The following CTNND2 variants were observed in gnomAD, a reference collection of about 807,000 sequenced individuals.
CTNND2 encodes the protein catenin delta-2.
In CTNND2, 22 loss-of-function variants were observed where a neutral mutation model predicts 144.4. The observed-to-expected ratio is 0.15, with a 90% CI of 0.11 to 0.22. CTNND2 has a LOEUF of 0.22. Among genes scored for constraint, CTNND2 ranks in the 10% least tolerant of loss-of-function variants. The probability of loss-of-function intolerance (pLI) is 1.00; values close to 1 mark genes in which losing one functional copy is unlikely to be tolerated. For missense variants in CTNND2, 1,353 were observed against 1,618.8 expected (o/e 0.84, Z 2.82); for synonymous variants, 751 against 695.6 (o/e 1.08, Z -1.25).
Position 11,117,472 on chromosome 5 carries a change from C to A in CTNND2, c.2255G>T (p.Gly752Val). 6.2e-7 allele frequency: 1 copy of A among 1,614,006 alleles called. No individual in the cohort carries two copies. The highest frequency in any genetic ancestry group is 8.5e-7 in the Non-Finnish European group (1 of 1,179,896). Residue 752 changes from glycine to valine, a missense_variant, in exon 13 of 22, where the codon GGG (glycine) becomes GTG (valine). Gly to Val is a moderately radical substitution (Grantham distance 109). Coordinates refer to ENST00000304623, the MANE Select transcript of CTNND2 (RefSeq NM_001332.4). ...AACCTTGCTATCGATCTCACTGCTCCCCAGCGCAGACTGGATCACGTACAG... is the reference window on the plus strand; with the variant it reads ...AACCTTGCTATCGATCTCACTGCTCACCAGCGCAGACTGGATCACGTACAG... ...ALLYVIQSAL[G>V]SSEIDSKTVE...
rs571326284 is a variant in CTNND2 at position 11,239,771 on chromosome 5, G to A, written c.1629-2948C>T. On this transcript the variant is annotated intron_variant, in intron 9 of 21. Transcript: ENST00000304623. ...GCCCAGTGGCCTCCCACTCAAATGC[G>A]GGGCCTCAGGCTCTTTACAACTTCC... is the stretch of plus-strand genomic sequence containing the variant. 3.9e-5 allele frequency among the ~76,000 whole-genome samples: 6 copies of A among 152,284 alleles called. No individual in the cohort carries two copies. In the East Asian group the frequency reaches 5.8e-4, roughly 15 times the overall value.
At position 11,026,209 on chromosome 5, in the gene CTNND2, G is replaced by C. The variant is rs143124590; in HGVS notation, c.2789-3230C>G. ...CACTGAGATTCTCTGTGGATGCAGA[G>C]CATAAGCTTCCTCCTGTGTTTGAGC... is the stretch of plus-strand genomic sequence containing the variant. On this transcript the variant is annotated intron_variant, in intron 16 of 21. Coordinates refer to ENST00000304623, the MANE Select transcript of CTNND2 (RefSeq NM_001332.4). 5.3e-4 allele frequency among the ~76,000 whole-genome samples: 80 copies of C among 152,210 alleles called. 2 individuals carry two copies. In the East Asian group the frequency reaches 9.7e-3, roughly 18 times the overall value.
chr5:11,290,095 A>T (rs150059379), intron 9 of CTNND2, among the ~76,000 whole-genome samples: 245 of 152,236 alleles, frequency 1.6e-3, no homozygotes, highest in African/African-American at 5.3e-3. Context: ...TAAACTAAGG[A>T]ATGTTTACTT....
intron 10 of CTNND2, among the ~76,000 whole-genome samples, chr5:11,213,198 T>G (rs894694253): frequency 1.3e-5 from 2 of 152,164 alleles, no homozygotes; most frequent in Admixed American, 1.3e-4. Context: ...GCAAGGTAAC[T>G]GGTGGAGCCA....
intron 9 of CTNND2, among the ~76,000 whole-genome samples, chr5:11,254,727 T>A (rs1744054459): frequency 6.6e-6 from 1 of 152,214 alleles, no homozygotes; most frequent in Non-Finnish European, 1.5e-5. Flanking sequence ...AATACTTTTC[T>A]GAGCTAGGAG....
At chr5:11,100,627 T>C (rs190315064) in intron 14 of CTNND2, among the ~76,000 whole-genome samples, 144 of 152,320 alleles carry the variant, frequency 9.5e-4, no homozygotes, top group African/African-American at 3.3e-3. Context: ...TGAATCTATC[T>C]GCTAGAGTAA....
rs1249844623 is a variant in CTNND2, at chr5:11,222,677, T to C, written c.1761+14014A>G. ...AAAAATTAGTATGGCATGGTGGCCA[T>C]TGTCTGTAGTCCCAGCTCCTTGGAT... On this transcript the variant is annotated intron_variant, in intron 10 of 21. Transcript: ENST00000304623. 2.0e-5 allele frequency among the ~76,000 whole-genome samples: 3 copies of C among 152,076 alleles called. No homozygotes were observed. The South Asian group carries it at 6.2e-4, about 32-fold the overall frequency.
rs561938362 is a variant in CTNND2, at chr5:10,979,227, T to C, written c.3417+2546A>G. On this transcript the variant is annotated intron_variant, in intron 21 of 21. Coordinates refer to ENST00000304623, the MANE Select transcript of CTNND2 (RefSeq NM_001332.4). ...ATAATATTTGCTGCAAGAAGCATGA[T>C]TGATTTCCATAAATGAAGTTGGCAT... Among the ~76,000 whole-genome samples the C allele has an allele frequency of 6.6e-4, 101 of 152,372 alleles. 4 individuals carry two copies. The South Asian group carries it at 0.018, about 28-fold the overall frequency.
chr5:11,900,187 G>T (rs1560984825), intron 1 of CTNND2, among the ~76,000 whole-genome samples: 1 of 152,138 alleles, frequency 6.6e-6, no homozygotes. Context: ...CACTTATTTA[G>T]TCATTATTTC....
chr5:11,594,677 AAAAC>A (rs1779417673), intron 2 of CTNND2, among the ~76,000 whole-genome samples: 1 of 152,210 alleles, frequency 6.6e-6, no homozygotes, highest in South Asian at 2.1e-4. Flanking sequence ...TTTTGGACAA[AAAAC>A]AAACAAATAT....
intron 1 of CTNND2, among the ~76,000 whole-genome samples, chr5:11,871,888 T>G (rs1735157448): frequency 6.6e-6 from 1 of 152,168 alleles, no homozygotes. Context: ...TGTAGGATAT[T>G]TCCTACAGAA....
chr5:11,710,261 G>A (rs944992956), intron 2 of CTNND2, among the ~76,000 whole-genome samples: 13 of 152,114 alleles, frequency 8.5e-5, no homozygotes, highest in African/African-American at 2.2e-4. Flanking sequence ...CCTTCGGTCC[G>A]GCTGGGTGCC....
chr5:11,832,523 G>C (rs551371242), intron 1 of CTNND2, among the ~76,000 whole-genome samples: 172 of 152,284 alleles, frequency 1.1e-3, no homozygotes, highest in African/African-American at 3.7e-3. Flanking sequence ...CTTCACCAAA[G>C]AAGAGAGACA....
chr5:11,558,366 G>GTGTGTA (rs1561554356), intron 3 of CTNND2, among the ~76,000 whole-genome samples: 42 of 97,288 alleles, frequency 4.3e-4, no homozygotes, highest in Non-Finnish European at 7.5e-4. Context: ...GTGTGTGTGT[G>GTGTGTA]TGTGTGTGTG....
intron 6 of CTNND2, among the ~76,000 whole-genome samples, chr5:11,396,215 T>C (rs1031436138): frequency 7.9e-5 from 12 of 152,204 alleles, no homozygotes; most frequent in South Asian, 2.1e-4. Context: ...GAAGGACTTA[T>C]GTTGCTGAAA....
chr5:11,203,719 T>A (rs1352502981), intron 10 of CTNND2, among the ~76,000 whole-genome samples: 2 of 152,244 alleles, frequency 1.3e-5, no homozygotes, highest in African/African-American at 4.8e-5. Flanking sequence ...GATTTTAGGT[T>A]TCATAGCATT....
intron 3 of CTNND2, among the ~76,000 whole-genome samples, chr5:11,521,308 C>G (rs1772694835): frequency 3.3e-5 from 5 of 152,210 alleles, no homozygotes; most frequent in Admixed American, 3.3e-4. Flanking sequence ...GGACTCTTCT[C>G]TCTAACTGAG....
intron 2 of CTNND2, among the ~76,000 whole-genome samples, chr5:11,651,601 G>A (rs911383493): frequency 4.6e-5 from 7 of 152,214 alleles, no homozygotes; most frequent in African/African-American, 1.7e-4. Context: ...GCCCATGAAA[G>A]CAGCCACAGA....
intron 2 of CTNND2, among the ~76,000 whole-genome samples, chr5:11,700,152 C>A (rs1785358326): frequency 6.6e-6 from 1 of 152,060 alleles, no homozygotes. Flanking sequence ...CTTTGGGAGA[C>A]CCAAGAGGGC....
Sources: gnomAD v4.1 joint callset for allele counts (sites outside exome capture counted in the v4.1 genomes callset) on GRCh38, gnomAD v4.1.1 for gene constraint, MANE v1.5 for transcripts, NCBI Gene and HGNC (gene_info 2026-07-23, HGNC 2026-07-21) for gene names.